Variants in PRKAG2 observed in about 807,000 individuals in gnomAD.
PRKAG2 encodes 5'-AMP-activated protein kinase subunit gamma-2.
In PRKAG2, 26 loss-of-function variants were observed where a neutral mutation model predicts 69.6. That is an observed-to-expected ratio of 0.37 (90% CI 0.27 to 0.52). The LOEUF is 0.52. Among genes scored for constraint, PRKAG2 ranks in the 20% least tolerant of loss-of-function variants. The pLI is 0.90. For missense variants in PRKAG2, 557 were observed against 740.0 expected, an observed-to-expected ratio of 0.75 and a Z score of 2.87; for synonymous variants, 293 against 285.0, an observed-to-expected ratio of 1.03 and a Z score of -0.28.
chr7:151,733,358 T>G (rs1427520270), intron 3 of PRKAG2, among the ~76,000 whole-genome samples: 1 of 152,250 alleles, frequency 6.6e-6, no homozygotes, highest in African/African-American at 2.4e-5. Context: ...TGGTCAGAGC[T>G]TGCATCTGCA....
chr7:151,825,041 G>A (rs949695388), intron 1 of PRKAG2, among the ~76,000 whole-genome samples: 4 of 115,320 alleles, frequency 3.5e-5, no homozygotes, highest in Non-Finnish European at 7.4e-5. Flanking sequence ...GTGAAACCCC[G>A]TCTCTACTAA....
intron 3 of PRKAG2, among the ~76,000 whole-genome samples, chr7:151,705,887 A>T (rs1403705980): frequency 2.0e-5 from 3 of 151,812 alleles, no homozygotes; most frequent in Non-Finnish European, 4.4e-5. Flanking sequence ...TGACATTCCT[A>T]CACATGTTTT....
At chr7:151,574,263 G>C (rs532387608) in intron 8 of PRKAG2, among the ~76,000 whole-genome samples, 1 of 152,136 alleles carries the variant, frequency 6.6e-6, no homozygotes, top group South Asian at 2.1e-4. Flanking sequence ...CAAACAAACA[G>C]AAACTAAAAA....
chr7:151,767,637 C>T (rs900590832), intron 3 of PRKAG2, among the ~76,000 whole-genome samples: 1 of 152,230 alleles, frequency 6.6e-6, no homozygotes, highest in African/African-American at 2.4e-5. Flanking sequence ...GTTATAGTGG[C>T]CCTACCAAAT....
In PRKAG2 at chr7:151,848,442, T is replaced by A. The variant is rs554919821; in HGVS notation, c.114+28065A>T. Among the ~76,000 whole-genome samples, 4 of 150,910 alleles carry A rather than the reference T, an allele frequency of 2.7e-5. No homozygotes were observed. In the South Asian group the frequency reaches 8.4e-4, roughly 32 times the overall value. ...TCCAGAACTGGAAATAAATTTCTAT[T>A]CTTCAGAAATCACCCAGTCTCGGGT... On this transcript the variant is annotated intron_variant, in intron 1 of 15. Transcript: ENST00000287878.
intron 1 of PRKAG2, among the ~76,000 whole-genome samples, chr7:151,786,936 G>C (rs137958238): frequency 2.5e-3 from 380 of 152,344 alleles, no homozygotes; most frequent in African/African-American, 8.5e-3. Flanking sequence ...GTCTGCCTAG[G>C]AAGATGATGG....
At chr7:151,658,482 CAAA>C (rs11286706) in intron 4 of PRKAG2, among the ~76,000 whole-genome samples, 3,614 of 105,462 alleles carry the variant, frequency 0.034, 129 homozygotes, top group African/African-American at 0.11. Flanking sequence ...AAGATTGTCG[CAAA>C]AAAAAAAAAA....
intron 3 of PRKAG2, among the ~76,000 whole-genome samples, chr7:151,737,175 C>T (rs1197050975): frequency 1.3e-5 from 2 of 151,996 alleles, no homozygotes; most frequent in Admixed American, 1.3e-4. Flanking sequence ...CCTCAGTTTC[C>T]CCCTTAGTGA....
At chr7:151,737,230 G>A (rs2151701853) in intron 3 of PRKAG2, among the ~76,000 whole-genome samples, 1 of 152,120 alleles carries the variant, frequency 6.6e-6, no homozygotes, top group African/African-American at 2.4e-5. Context: ...CTAGGGCCAG[G>A]CACGGTGGCT....
chr7:151,585,028 G>A (rs1409119398), intron 6 of PRKAG2, among the ~76,000 whole-genome samples: 1 of 152,170 alleles, frequency 6.6e-6, no homozygotes, highest in African/African-American at 2.4e-5. Context: ...GACACATGAT[G>A]ATGGAATTTT....
chr7:151,875,576 T>G (rs879457819), intron 1 of PRKAG2, among the ~76,000 whole-genome samples: 2,107 of 97,482 alleles, frequency 0.022, 27 homozygotes, highest in Non-Finnish European at 0.03. Context: ...TGTGTGTGTG[T>G]GTGTGTGTGT....
intron 5 of PRKAG2, among the ~76,000 whole-genome samples, chr7:151,617,289 A>AG (rs1260718098): frequency 0.28 from 4,549 of 16,290 alleles, 444 homozygotes; most frequent in African/African-American, 0.46. Flanking sequence ...GGAAAGAGGG[A>AG]GGGGGGGAGG....
chr7:151,870,753 G>A (rs764308153), intron 1 of PRKAG2, among the ~76,000 whole-genome samples: 9 of 152,374 alleles, frequency 5.9e-5, no homozygotes, highest in Middle Eastern at 6.8e-3. Context: ...TCACCAGCTC[G>A]GAGGGTGCGT....
At chr7:151,718,405 G>A (rs1043990905) in intron 3 of PRKAG2, among the ~76,000 whole-genome samples, 3 of 152,020 alleles carry the variant, frequency 2.0e-5, no homozygotes, top group African/African-American at 7.2e-5. Context: ...CCACATCGAG[G>A]GTCAGGGCTT....
chr7:151,779,432 T>A (rs1028005440), intron 3 of PRKAG2, among the ~76,000 whole-genome samples: 1 of 152,126 alleles, frequency 6.6e-6, no homozygotes, highest in African/African-American at 2.4e-5. Flanking sequence ...CCCACCCCCA[T>A]GGAGGGCTCT....
At chr7:151,701,872 C>T (rs1837761344) in intron 3 of PRKAG2, among the ~76,000 whole-genome samples, 5 of 149,190 alleles carry the variant, frequency 3.4e-5, no homozygotes, top group Admixed American at 1.3e-4. Context: ...TAAGGATTGC[C>T]GAGAACTGCC....
chr7:151,571,726 C>T (rs1479139789), intron 9 of PRKAG2, among the ~76,000 whole-genome samples: 3 of 152,032 alleles, frequency 2.0e-5, no homozygotes, highest in East Asian at 1.9e-4. Context: ...TTGACAAAGC[C>T]GTAATAAACC....
rs1291336028 is a variant in PRKAG2, at chr7:151,583,207, A to G, written c.865-6755T>C. On this transcript the variant is annotated intron_variant, in intron 6 of 15. Coordinates refer to ENST00000287878, the MANE Select transcript of PRKAG2 (RefSeq NM_016203.4). The surrounding 1 kb of genome is among the most constrained non-coding windows in gnomAD (Gnocchi z 4.1). ...AGCTAATTTTTAAATCTTTTTGTAG[A>G]GATGGGGTTTTGCCATGTTGCCCGG... Among the ~76,000 whole-genome samples, 2 of 152,090 alleles carry G rather than the reference A, an allele frequency of 1.3e-5. No individual in the cohort carries two copies. Among genetic ancestry groups the G allele is most frequent in the African/African-American group, 2.4e-5 (1 of 41,414 alleles).
At chr7:151,759,704 A>T (rs927505242) in intron 3 of PRKAG2, among the ~76,000 whole-genome samples, 2 of 152,164 alleles carry the variant, frequency 1.3e-5, no homozygotes, top group Non-Finnish European at 1.5e-5. Context: ...CACCAGACTC[A>T]GCATGTGAGG....
Sources: allele counts gnomAD v4.1 joint callset (sites outside exome capture counted in the v4.1 genomes callset), GRCh38; gene constraint gnomAD v4.1.1; non-coding constraint Gnocchi (gnomAD v3.1); transcripts MANE v1.5; gene names NCBI Gene and HGNC (gene_info 2026-07-23, HGNC 2026-07-21).